Variants in ZNF253 observed in about 807,000 individuals in gnomAD.
The protein encoded by ZNF253 is DNA-binding protein.
A neutral mutation model predicts 11.9 loss-of-function variants in ZNF253; 8 were observed. The observed-to-expected ratio is 0.67, with a 90% CI of 0.40 to 1.22. ZNF253 has a LOEUF of 1.22. Ranked by LOEUF, ZNF253 falls within the 50% of genes most tolerant of loss-of-function variation. ZNF253 has a pLI of 0.01. For missense variants in ZNF253, 485 were observed against 586.9 expected, an observed-to-expected ratio of 0.83 and a Z score of 1.79; for synonymous variants, 194 against 194.9, an observed-to-expected ratio of 1.00 and a Z score of 0.04.
In ZNF253 at chr19:19,892,618, T is replaced by C; in HGVS notation, c.1371T>C (p.Cys457=). ...TGEKPYKCEE[C]GKAFNWSSDL... ...AGAAACCTTACAAATGTGAAGAATG[T>C]GGCAAAGCTTTTAACTGGTCCTCAG... is the stretch of plus-strand genomic sequence containing the variant. The change falls in exon 4 of 4, where the codon TGT becomes TGC. Residue 457 remains cysteine, a synonymous_variant. Transcript: ENST00000589717. The C allele has an allele frequency of 6.2e-7, 1 of 1,614,056 alleles. No homozygotes were observed. Among genetic ancestry groups the C allele is most frequent in the Non-Finnish European group, 8.5e-7 (1 of 1,179,976 alleles).
intron 3 of ZNF253, among the ~76,000 whole-genome samples, chr19:19,881,581 A>G (rs2122122544): frequency 6.6e-6 from 1 of 151,242 alleles, no homozygotes; most frequent in South Asian, 2.1e-4. Flanking sequence ...CCTGGAAGGC[A>G]GAGGTTTCAG....
chr19:19,866,888 G>T (rs1343387304), intron 1 of ZNF253, among the ~76,000 whole-genome samples: 1 of 152,130 alleles, frequency 6.6e-6, no homozygotes, highest in African/African-American at 2.4e-5. Context: ...GGTTCGGGTC[G>T]CAGATTGGAA....
rs369741758 is a variant in ZNF253 at position 19,892,594 on chromosome 19, G to C, written c.1347G>C (p.Glu449Asp). 3.7e-6 allele frequency: 6 copies of C among 1,613,884 alleles called. No individual in the cohort carries two copies. The highest frequency in any genetic ancestry group is 5.1e-6 in the Non-Finnish European group (6 of 1,179,970). Residue 449 changes from glutamate to aspartate, a missense_variant, in exon 4 of 4, where the codon GAG becomes GAC. Glu to Asp is a conservative substitution (Grantham distance 45, BLOSUM62 2). Around this residue, in one of 3 missense-constraint regions of ZNF253, gnomAD observed 232 missense variants for 321.4 expected, o/e 0.72. Transcript: ENST00000589717. ...LTTHKRIHTGEKPYKCEECGK... is the reference protein window; with the variant it reads ...LTTHKRIHTGDKPYKCEECGK... ...CACATAAGAGAATTCATACTGGAGA[G>C]AAACCTTACAAATGTGAAGAATGTG...
At chr19:19,881,369 C>T (rs1248994031) in intron 3 of ZNF253, among the ~76,000 whole-genome samples, 1 of 151,832 alleles carries the variant, frequency 6.6e-6, no homozygotes, top group Non-Finnish European at 1.5e-5. Context: ...GGGGTGGTCT[C>T]CCAAAGTACT....
intron 1 of ZNF253, among the ~76,000 whole-genome samples, chr19:19,866,855 G>C (rs962249242): frequency 4.6e-5 from 7 of 152,080 alleles, no homozygotes; most frequent in Admixed American, 3.9e-4. Context: ...TGACCCGATT[G>C]GCTACTTTCC....
At position 19,892,343 on chromosome 19, in the gene ZNF253, A is replaced by G. The variant is rs1421418094; in HGVS notation, c.1096A>G (p.Lys366Glu). 3 of 1,613,860 alleles carry G rather than the reference A, an allele frequency of 1.9e-6. No individual in the cohort carries two copies. The highest frequency in any genetic ancestry group is 2.5e-6 in the Non-Finnish European group (3 of 1,179,960). Residue 366 changes from lysine (K) to glutamate (E), a missense_variant, in exon 4 of 4, where the codon AAA becomes GAA. Physicochemically the swap from Lys to Glu is moderately conservative, Grantham distance 56 (BLOSUM62 1). Transcript: ENST00000589717. Reference sequence around the variant, plus strand: ...ACATAAGATACTTCATACTGGAGAGAAACCCTACAGATGTAGAGAATGTGG... The same window carrying G: ...ACATAAGATACTTCATACTGGAGAGGAACCCTACAGATGTAGAGAATGTGG... ...TTHKILHTGE[K>E]PYRCRECGKA...
intron 1 of ZNF253, among the ~76,000 whole-genome samples, chr19:19,874,799 C>A (rs533861326): frequency 5.3e-5 from 8 of 151,810 alleles, no homozygotes; most frequent in African/African-American, 1.2e-4. Flanking sequence ...GTAGTCCCAG[C>A]TACTTGGGAG....
chr19:19,876,398 A>T (rs1334252287), intron 1 of ZNF253, among the ~76,000 whole-genome samples: 4 of 152,174 alleles, frequency 2.6e-5, no homozygotes, highest in African/African-American at 7.2e-5. Context: ...TTTGGTAGGG[A>T]TAGGTCAGTG....
chr19:19,868,369 A>G (rs771037541), intron 1 of ZNF253, among the ~76,000 whole-genome samples: 5 of 152,068 alleles, frequency 3.3e-5, no homozygotes, highest in Non-Finnish European at 5.9e-5. Context: ...TTGATTTTGT[A>G]TATTGTGTAA....
chr19:19,869,660 CTTTTT>C (rs35926309), intron 1 of ZNF253, among the ~76,000 whole-genome samples: 1 of 103,272 alleles, frequency 9.7e-6, no homozygotes, highest in African/African-American at 3.9e-5. Context: ...CATGCCTGGC[CTTTTT>C]TTTTTTTTTT....
In ZNF253 at chr19:19,892,467, G is replaced by A; in HGVS notation, c.1220G>A (p.Trp407Ter). 1 of 1,608,038 alleles carries A rather than the reference G, an allele frequency of 6.2e-7. No homozygotes were observed. Among genetic ancestry groups the A allele is most frequent in the Non-Finnish European group, 8.5e-7 (1 of 1,178,348 alleles). ...KCDECGKTFT[W>*]PSILSKHKRT... ...GATGAATGTGGCAAAACCTTTACCTGGCCCTCAATCCTCTCCAAACATAAA... is the reference window on the plus strand; with the variant it reads ...GATGAATGTGGCAAAACCTTTACCTAGCCCTCAATCCTCTCCAAACATAAA... Residue 407 changes from tryptophan to a stop codon, truncating the protein, a stop_gained, in exon 4 of 4, where the codon TGG (tryptophan) becomes TAG (stop). Coordinates refer to ENST00000589717, the MANE Select transcript of ZNF253 (RefSeq NM_021047.3). LOFTEE classifies it low-confidence loss of function (END_TRUNC).
chr19:19,871,405 C>T (rs1442248495), intron 1 of ZNF253: 1 of 151,910 alleles, frequency 6.6e-6, no homozygotes, highest in African/African-American at 2.4e-5. Flanking sequence ...AGGACACTAG[C>T]ATTCAGGAGA....
At chr19:19,888,897 G>A (rs1048959881) in intron 3 of ZNF253, among the ~76,000 whole-genome samples, 1 of 152,162 alleles carries the variant, frequency 6.6e-6, no homozygotes, top group Non-Finnish European at 1.5e-5. Flanking sequence ...GGCATATGCA[G>A]TGCCAATATA....
At position 19,894,110 on chromosome 19, in the gene ZNF253, A is replaced by T. The variant is rs747036009; in HGVS notation, c.*1363A>T. On this transcript the variant is annotated 3_prime_UTR_variant, in exon 4 of 4. Coordinates refer to ENST00000589717, the MANE Select transcript of ZNF253 (RefSeq NM_021047.3). ...TAATTAAGGCACTGACACTTCAGAC[A>T]TTACACTAAATCAGAATGTTCAGTA... 1 of 152,266 alleles carries T rather than the reference A, an allele frequency of 6.6e-6. No individual in the cohort carries two copies. The highest frequency in any genetic ancestry group is 1.5e-5 in the Non-Finnish European group (1 of 68,048). 9.4% of individuals were successfully genotyped at this position (152,266 alleles called of 1,614,324 possible). A position where few individuals can be genotyped will look rare whatever the true frequency, so the allele number is the denominator to read the frequency against.
rs900434925 is a variant in ZNF253 at position 19,878,491 on chromosome 19, A to G, written c.14A>G (p.Gln5Arg). 6.2e-7 allele frequency: 1 copy of G among 1,613,784 alleles called. No homozygotes were observed. Among genetic ancestry groups the G allele is most frequent in the African/African-American group, 1.3e-5 (1 of 74,850 alleles). MGPL[Q>R]FRDVAIEFSL... ...GTGTGTGTTTTCCAGGGACCATTGC[A>G]ATTTAGAGATGTGGCCATAGAATTC... Residue 5 changes from glutamine (Q) to arginine (R), a missense_variant, in exon 2 of 4, where the codon CAA becomes CGA. By Grantham distance (43) the Gln-to-Arg change is conservative. Around this residue, in one of 3 missense-constraint regions of ZNF253, gnomAD observed 35 missense variants for 52.4 expected, o/e 0.67. Transcript: ENST00000589717.
Position 19,880,134 on chromosome 19 carries a change from G to A in ZNF253, c.214G>A (p.Ala72Thr). The A allele has an allele frequency of 1.9e-6, 3 of 1,606,174 alleles. No individual in the cohort carries two copies. The highest frequency in any genetic ancestry group is 1.3e-5 in the African/African-American group (1 of 74,636). ...PLTMERHEMI[A>T]KPPVMSSHFA... is the part of the protein sequence containing the mutation. ...AACTATGGAAAGACATGAGATGATT[G>A]CCAAACCCCCAGGTAGGTACGAGTG... Residue 72 changes from alanine (A) to threonine (T), a missense_variant, in exon 3 of 4, where the codon GCC becomes ACC. By Grantham distance (58) the Ala-to-Thr change is moderately conservative. This residue lies in a region of ZNF253 where 218 missense variants were observed against 213.1 expected (regional missense o/e 1.02). Coordinates refer to ENST00000589717, the MANE Select transcript of ZNF253 (RefSeq NM_021047.3).
Position 19,873,899 on chromosome 19 carries a change from G to T in ZNF253, c.4-4582G>T, listed in dbSNP as rs143180654. 4.4e-3 allele frequency among the ~76,000 whole-genome samples: 670 copies of T among 151,740 alleles called. 3 individuals carry two copies. The highest frequency in any genetic ancestry group is 7.2e-3 in the Non-Finnish European group (492 of 68,012). On this transcript the variant is annotated intron_variant, in intron 1 of 3. Transcript: ENST00000589717. ...CCTGTAGGGATATTCATGAACAGAAGAATTGTTATTATAATTAATTTTTGG... is the reference window on the plus strand; with the variant it reads ...CCTGTAGGGATATTCATGAACAGAATAATTGTTATTATAATTAATTTTTGG...
intron 1 of ZNF253, among the ~76,000 whole-genome samples, chr19:19,874,255 G>C (rs1033457625): frequency 1.3e-5 from 2 of 152,102 alleles, no homozygotes; most frequent in African/African-American, 2.4e-5. Context: ...GCCTGGTGCA[G>C]TGCCTCACAC....
intron 1 of ZNF253, among the ~76,000 whole-genome samples, chr19:19,876,078 C>T (rs1211597986): frequency 6.6e-6 from 1 of 152,140 alleles, no homozygotes; most frequent in Non-Finnish European, 1.5e-5. Flanking sequence ...GTTGGGTTGT[C>T]TTTATTTGTA....
Sources: gnomAD v4.1 joint callset for allele counts (sites outside exome capture counted in the v4.1 genomes callset) on GRCh38, gnomAD v4.1.1 for gene constraint, gnomAD v4.1.1 regional missense constraint, MANE v1.5 for transcripts, NCBI Gene and HGNC (gene_info 2026-07-23, HGNC 2026-07-21) for gene names.